The following IL1RAPL1 variants were observed in gnomAD, a reference collection of about 807,000 sequenced individuals.
The protein encoded by IL1RAPL1 is interleukin-1 receptor accessory protein-like 1.
Under a neutral mutation model 48.4 loss-of-function variants are expected in IL1RAPL1, and 3 were observed. That is an observed-to-expected ratio of 0.06 (90% CI 0.03 to 0.16). The LOEUF (loss-of-function observed/expected upper bound fraction) is 0.16. Among genes scored for constraint, IL1RAPL1 ranks in the 10% least tolerant of loss-of-function variants. The probability of loss-of-function intolerance (pLI) is 1.00; values close to 1 mark genes in which losing one functional copy is unlikely to be tolerated. For missense variants in IL1RAPL1, 349 were observed against 530.6 expected, an observed-to-expected ratio of 0.66 and a Z score of 3.36; for synonymous variants, 185 against 187.7, an observed-to-expected ratio of 0.99 and a Z score of 0.12.
intron 1 of IL1RAPL1, among the ~76,000 whole-genome samples, chrX:28,743,735 C>CTTAT (rs10659899): frequency 0.49 from 52,683 of 106,877 alleles, 10,279 homozygotes; most frequent in Middle Eastern, 0.7. Context: ...CATTCGTTTG[C>CTTAT]TTATTTATTT....
intron 3 of IL1RAPL1, among the ~76,000 whole-genome samples, chrX:29,370,612 C>CT (rs2147666285): frequency 9.0e-6 from 1 of 110,770 alleles, no homozygotes; most frequent in Non-Finnish European, 1.9e-5. Context: ...ACAACCAGTG[C>CT]TCTAATCTAC....
At chrX:29,191,688 C>T (rs953265304) in intron 2 of IL1RAPL1, among the ~76,000 whole-genome samples, 1 of 111,613 alleles carries the variant, frequency 9.0e-6, no homozygotes, top group Non-Finnish European at 1.9e-5. Flanking sequence ...ACTTAACTGG[C>T]ATTGTGGTAA....
intron 6 of IL1RAPL1, among the ~76,000 whole-genome samples, chrX:29,669,831 T>C (rs1295320019): frequency 8.9e-6 from 1 of 111,815 alleles, no homozygotes; most frequent in Non-Finnish European, 1.9e-5. Context: ...TCAAATTTTA[T>C]CATGCACTTT....
chrX:29,842,691 A>G (rs755076294), intron 6 of IL1RAPL1, among the ~76,000 whole-genome samples: 26 of 112,662 alleles, frequency 2.3e-4, no homozygotes, highest in Middle Eastern at 4.6e-3. Context: ...GTCACAGTAT[A>G]TAAAGTTTCT....
At chrX:29,017,897 T>C (rs1926277559) in intron 2 of IL1RAPL1, among the ~76,000 whole-genome samples, 1 of 111,903 alleles carries the variant, frequency 8.9e-6, no homozygotes, top group African/African-American at 3.2e-5. Context: ...CTAAATATAT[T>C]GCTGTTGATT....
intron 5 of IL1RAPL1, among the ~76,000 whole-genome samples, chrX:29,479,985 G>T (rs1197302190): frequency 9.1e-6 from 1 of 110,436 alleles, no homozygotes; most frequent in Admixed American, 9.6e-5. Flanking sequence ...ACATGCACAT[G>T]CATGTGTCTT....
At chrX:29,493,956 A>G (rs187230266) in intron 5 of IL1RAPL1, among the ~76,000 whole-genome samples, 1 of 111,451 alleles carries the variant, frequency 9.0e-6, no homozygotes, top group Admixed American at 9.5e-5. Context: ...GTGCAGTGGC[A>G]CAATCTCAGC....
At chrX:29,168,005 A>T (rs912925442) in intron 2 of IL1RAPL1, among the ~76,000 whole-genome samples, 4 of 110,732 alleles carry the variant, frequency 3.6e-5, no homozygotes, top group African/African-American at 1.3e-4. Flanking sequence ...TAATTTGGTT[A>T]CCCTCTTTAT....
At chrX:29,797,736 G>A (rs749025399) in intron 6 of IL1RAPL1, among the ~76,000 whole-genome samples, 4 of 111,126 alleles carry the variant, frequency 3.6e-5, no homozygotes, top group Middle Eastern at 9.4e-3. Context: ...AGCCAGTCGC[G>A]GTGGCACACA....
At chrX:29,506,172 C>T (rs1935325111) in intron 5 of IL1RAPL1, among the ~76,000 whole-genome samples, 1 of 112,216 alleles carries the variant, frequency 8.9e-6, no homozygotes, top group Non-Finnish European at 1.9e-5. Context: ...AATTTCCTTA[C>T]AACTACCATT....
At chrX:29,840,133 T>C (rs1931106802) in intron 6 of IL1RAPL1, among the ~76,000 whole-genome samples, 1 of 111,770 alleles carries the variant, frequency 8.9e-6, no homozygotes, top group Non-Finnish European at 1.9e-5. Flanking sequence ...TTGAAGAGGC[T>C]GAGTCATCTT....
At chrX:29,933,939 ACT>A (rs1932990010) in intron 8 of IL1RAPL1, among the ~76,000 whole-genome samples, 1 of 110,332 alleles carries the variant, frequency 9.1e-6, no homozygotes, top group African/African-American at 3.3e-5. Context: ...TAGGGGAAAT[ACT>A]CTCTAGTCAG....
At chrX:29,638,882 A>G (rs776150432) in intron 5 of IL1RAPL1, among the ~76,000 whole-genome samples, 6 of 112,412 alleles carry the variant, frequency 5.3e-5, no homozygotes, top group Admixed American at 9.4e-5. Flanking sequence ...AAAGTGAAAT[A>G]TATTTTTAAG....
chrX:29,496,856 A>G (rs1935219800), intron 5 of IL1RAPL1, among the ~76,000 whole-genome samples: 1 of 112,040 alleles, frequency 8.9e-6, no homozygotes, highest in African/African-American at 3.2e-5. Flanking sequence ...AGAAGCTTGC[A>G]ATTTAATCAG....
At chrX:29,555,903 C>A (rs1043017538) in intron 5 of IL1RAPL1, among the ~76,000 whole-genome samples, 1 of 112,229 alleles carries the variant, frequency 8.9e-6, no homozygotes, top group Admixed American at 9.4e-5. Context: ...GGAATGTGCA[C>A]TATGCAAACA....
chrX:29,708,542 G>A (rs1338873103), intron 6 of IL1RAPL1, among the ~76,000 whole-genome samples: 2 of 111,342 alleles, frequency 1.8e-5, no homozygotes, highest in East Asian at 5.6e-4. Context: ...CTATATAGTT[G>A]CAAATGGTAG....
At chrX:29,224,489 A>G (rs1931042239) in intron 2 of IL1RAPL1, among the ~76,000 whole-genome samples, 1 of 111,526 alleles carries the variant, frequency 9.0e-6, no homozygotes, top group Non-Finnish European at 1.9e-5. Context: ...ACTTGTTTGT[A>G]TAGTTTTTAT....
intron 5 of IL1RAPL1, among the ~76,000 whole-genome samples, chrX:29,646,287 G>C (rs1398262196): frequency 9.0e-6 from 1 of 111,426 alleles, no homozygotes; most frequent in Admixed American, 9.5e-5. Context: ...AGAAACCCTG[G>C]AACTGAAAGA....
At chrX:28,861,369 A>G (rs1239430974) in intron 2 of IL1RAPL1, among the ~76,000 whole-genome samples, 1 of 112,202 alleles carries the variant, frequency 8.9e-6, no homozygotes, top group Non-Finnish European at 1.9e-5. Context: ...ACAAGGCAGC[A>G]TGTTTGACAC....
Sources: allele counts gnomAD v4.1 joint callset (sites outside exome capture counted in the v4.1 genomes callset), GRCh38; gene constraint gnomAD v4.1.1; transcripts MANE v1.5; gene names NCBI Gene and HGNC (gene_info 2026-07-23, HGNC 2026-07-21).